Variants in OXR1 observed in about 807,000 individuals in gnomAD.
OXR1 encodes the protein oxidation resistance 1, also known as oxidation resistance protein 1.
Under a neutral mutation model 104.6 loss-of-function variants are expected in OXR1, and 41 were observed. The observed-to-expected ratio is 0.39, with a 90% CI of 0.31 to 0.51. OXR1 has a LOEUF of 0.51. Among genes scored for constraint, OXR1 ranks in the 20% least tolerant of loss-of-function variants. The pLI, the probability that OXR1 is intolerant of heterozygous loss-of-function variation, is 0.77. For synonymous variants in OXR1, 348 were observed against 348.4 expected, an observed-to-expected ratio of 1.00 and a Z score of 0.01; for missense variants, 955 against 1,031.9, an observed-to-expected ratio of 0.93 and a Z score of 1.02.
At chr8:106,585,352 C>G (rs1818550957) in intron 3 of OXR1, among the ~76,000 whole-genome samples, 2 of 152,044 alleles carry the variant, frequency 1.3e-5, no homozygotes, top group African/African-American at 4.8e-5. Context: ...CCTAGTGCAT[C>G]CCAGGTTATT....
At chr8:106,695,705 A>G (rs1252881770) in intron 7 of OXR1, among the ~76,000 whole-genome samples, 1 of 152,162 alleles carries the variant, frequency 6.6e-6, no homozygotes, top group Admixed American at 6.5e-5. Flanking sequence ...GGCGTGAGCT[A>G]CCGCACCCGG....
intron 3 of OXR1, among the ~76,000 whole-genome samples, chr8:106,613,189 G>A (rs1336837626): frequency 6.6e-6 from 1 of 152,160 alleles, no homozygotes; most frequent in Non-Finnish European, 1.5e-5. Flanking sequence ...GAGGGAAAGA[G>A]GAGGAAATGA....
chr8:106,723,063 A>G (rs1404125376), intron 11 of OXR1, among the ~76,000 whole-genome samples: 1 of 152,122 alleles, frequency 6.6e-6, no homozygotes, highest in African/African-American at 2.4e-5. Flanking sequence ...TCCATTAAAA[A>G]TCTTTATCTA....
At chr8:106,372,348 A>G (rs527385421) in intron 2 of OXR1, among the ~76,000 whole-genome samples, 2 of 151,652 alleles carry the variant, frequency 1.3e-5, no homozygotes, top group East Asian at 3.9e-4. Context: ...CTTCTAATCA[A>G]TTTTGATGAG....
intron 2 of OXR1, among the ~76,000 whole-genome samples, chr8:106,403,864 G>C (rs1818101597): frequency 6.6e-6 from 1 of 152,092 alleles, no homozygotes; most frequent in Admixed American, 6.6e-5. Context: ...ATTTCTTTTG[G>C]AATGTAGCAC....
rs376599112 is a variant in OXR1, at chr8:106,397,997, C to T, written c.23+38361C>T. ...TGCTGGCAATCTCTGGCATTCTGTG[C>T]CTTGTAGATTAATCACTCCGATCTC... On this transcript the variant is annotated intron_variant, in intron 2 of 16. Coordinates refer to ENST00000517566, the MANE Select transcript of OXR1 (RefSeq NM_001198533.2). Among the ~76,000 whole-genome samples, 8 of 152,184 alleles carry T rather than the reference C, an allele frequency of 5.3e-5. No individual in the cohort carries two copies. In the South Asian group the frequency reaches 8.3e-4, roughly 16 times the overall value.
At chr8:106,557,683 G>A (rs1055712293) in intron 3 of OXR1, among the ~76,000 whole-genome samples, 90 of 151,836 alleles carry the variant, frequency 5.9e-4, no homozygotes, top group African/African-American at 2.0e-3. Context: ...GCATTTATTC[G>A]CTCTCTCTGC....
chr8:106,287,981 A>G (rs1201165808), intron 1 of OXR1, among the ~76,000 whole-genome samples: 2 of 152,290 alleles, frequency 1.3e-5, no homozygotes, highest in Admixed American at 6.5e-5. Flanking sequence ...CTTCTGTGCG[A>G]TGGAGTTTCC....
chr8:106,343,668 A>T (rs986725570), intron 1 of OXR1, among the ~76,000 whole-genome samples: 2 of 152,248 alleles, frequency 1.3e-5, no homozygotes, highest in African/African-American at 4.8e-5. Flanking sequence ...ATTGGCCTGT[A>T]TCCAAGCCAC....
In OXR1 at chr8:106,702,926, G is replaced by A. The variant is rs142022456; in HGVS notation, c.696G>A (p.Leu232=). The A allele has an allele frequency of 1.2e-5, 19 of 1,613,136 alleles. No individual in the cohort carries two copies. Among genetic ancestry groups the A allele is most frequent in the Non-Finnish European group, 1.5e-5 (18 of 1,179,304 alleles). Residue 232 remains leucine (L), a synonymous_variant, in exon 8 of 17, where the codon CTG becomes CTA. Transcript: ENST00000517566. ...CTTAGGGCACAGTCAGTGGTGTGCT[G>A]CTAGTTACACCAAATAATATAATGT... The part of the protein sequence containing the change: ...TSGKGTVSGV[L]LVTPNNIMFD...
intron 3 of OXR1, among the ~76,000 whole-genome samples, chr8:106,596,816 A>T (rs553851445): frequency 9.9e-5 from 15 of 152,132 alleles, no homozygotes; most frequent in Non-Finnish European, 1.3e-4. Flanking sequence ...GCACTTTGGG[A>T]GGCTGAGACG....
chr8:106,570,136 A>G (rs1817371892), intron 3 of OXR1, among the ~76,000 whole-genome samples: 1 of 152,186 alleles, frequency 6.6e-6, no homozygotes. Flanking sequence ...AAATCTGATA[A>G]TATCCAGTAG....
At chr8:106,674,198 A>C (rs1827334277) in intron 3 of OXR1, among the ~76,000 whole-genome samples, 1 of 152,208 alleles carries the variant, frequency 6.6e-6, no homozygotes, top group Admixed American at 6.5e-5. Context: ...TACCCTGCCA[A>C]GCCACAGGGG....
At chr8:106,750,778 T>A in intron 16 of OXR1, 28 bp from the exon 17 acceptor site, 1 of 1,507,212 alleles carries the variant, frequency 6.6e-7, no homozygotes, top group Non-Finnish European at 9.0e-7. Flanking sequence ...GGCATAAATA[T>A]TAACAGATTA....
intron 2 of OXR1, among the ~76,000 whole-genome samples, chr8:106,363,907 T>G (rs748556640): frequency 3.9e-5 from 6 of 152,200 alleles, no homozygotes; most frequent in Non-Finnish European, 8.8e-5. Flanking sequence ...GAAATAACGT[T>G]TCTGCGAAAG....
At chr8:106,463,449 T>A (rs554576884) in intron 2 of OXR1, among the ~76,000 whole-genome samples, 1 of 152,262 alleles carries the variant, frequency 6.6e-6, no homozygotes, top group South Asian at 2.1e-4. Flanking sequence ...AATCTCCCCT[T>A]AATAAAATGT....
chr8:106,530,066 A>G (rs1381541003), intron 3 of OXR1, among the ~76,000 whole-genome samples: 1 of 152,190 alleles, frequency 6.6e-6, no homozygotes, highest in Non-Finnish European at 1.5e-5. Context: ...AGAAAATGAC[A>G]AATTATTAAG....
intron 3 of OXR1, among the ~76,000 whole-genome samples, chr8:106,564,287 A>G (rs1011691216): frequency 3.9e-5 from 6 of 152,198 alleles, no homozygotes; most frequent in African/African-American, 1.4e-4. Flanking sequence ...ACAATAAAAA[A>G]ATGATAAAGG....
chr8:106,696,812 C>T (rs1363332762), intron 7 of OXR1, among the ~76,000 whole-genome samples: 2 of 152,160 alleles, frequency 1.3e-5, no homozygotes, highest in Admixed American at 6.5e-5. Flanking sequence ...GCAGCCCTCC[C>T]TCTCCGTCCC....
Sources: allele counts gnomAD v4.1 joint callset (sites outside exome capture counted in the v4.1 genomes callset), GRCh38; gene constraint gnomAD v4.1.1; transcripts MANE v1.5; gene names NCBI Gene and HGNC (gene_info 2026-07-23, HGNC 2026-07-21).